CCDC33: variants seen among roughly 807,000 people sequenced by gnomAD.
CCDC33 encodes the protein coiled-coil domain containing 33.
In CCDC33, 94 loss-of-function variants were observed where a neutral mutation model predicts 91.9. The ratio of observed to expected loss-of-function variants is 1.02; its 90% CI spans 0.87 to 1.21. The LOEUF (loss-of-function observed/expected upper bound fraction) is 1.21. CCDC33 is among the 50% of genes most tolerant of loss of function. The pLI is 0.00. For missense variants in CCDC33, 940 were observed against 935.5 expected, an observed-to-expected ratio of 1.00 and a Z score of -0.06; for synonymous variants, 396 against 374.5, an observed-to-expected ratio of 1.06 and a Z score of -0.66.
At chr15:74,267,587 A>G (rs2930309) in intron 4 of CCDC33, among the ~76,000 whole-genome samples, 150,353 of 152,158 alleles carry the variant, frequency 0.99, 74,328 homozygotes, top group East Asian at 1. Context: ...CCAGAGATGA[A>G]CAGAAGCATC....
intron 11 of CCDC33, among the ~76,000 whole-genome samples, chr15:74,325,337 C>A (rs2060288363): frequency 6.6e-6 from 1 of 152,078 alleles, no homozygotes; most frequent in Admixed American, 6.6e-5. Context: ...ACTCTCTCTC[C>A]TCCCTGCCTT....
At position 74,218,413 on chromosome 15, in the gene CCDC33, C is replaced by T; in HGVS notation, c.311-84C>T. 8.3e-7 allele frequency: 1 copy of T among 1,205,680 alleles called. No individual in the cohort carries two copies. Among genetic ancestry groups the T allele is most frequent in the Non-Finnish European group, 1.1e-6 (1 of 944,558 alleles). 74.7% of individuals were successfully genotyped at this position (1,205,680 alleles called of 1,614,324 possible). On this transcript the variant is annotated intron_variant, in intron 1 of 2. Transcript: ENST00000635913. This position sits in a 1 kb window ranked among gnomAD's most constrained non-coding sequence, Gnocchi z 4.8. ...CAAAGTCTGGGCAGCCCAGGTTTCC[C>T]CAGGGCCCTGCCTGTCCTCCTAGTC...
chr15:74,291,009 T>C (rs2059574173), intron 10 of CCDC33, among the ~76,000 whole-genome samples: 1 of 152,230 alleles, frequency 6.6e-6, no homozygotes, highest in South Asian at 2.1e-4. Flanking sequence ...AAAATTCTTA[T>C]CAGTGGCACC....
chr15:74,296,845 A>C (rs1461592217), intron 11 of CCDC33, among the ~76,000 whole-genome samples: 1 of 152,176 alleles, frequency 6.6e-6, no homozygotes, highest in East Asian at 1.9e-4. Context: ...CCAAAGAGAC[A>C]GTCCAGGGAG....
chr15:74,204,528 C>T (rs1424942641), intron 1 of CCDC33, among the ~76,000 whole-genome samples: 1 of 152,222 alleles, frequency 6.6e-6, no homozygotes, highest in Non-Finnish European at 1.5e-5. Flanking sequence ...GCAGCCAACT[C>T]CCATCTGATT....
rs567592659 is a variant in CCDC33, at chr15:74,304,946, CTTCT to C, written c.1290+9001_1290+9004del. 2.8e-4 allele frequency among the ~76,000 whole-genome samples: 33 copies of C among 117,344 alleles called. No individual in the cohort carries two copies. The East Asian group carries it at 5.3e-3, about 19-fold the overall frequency. The allele number at this position is 117,344 out of a possible 152,430, so 77.0% of individuals were successfully genotyped here. Reference sequence around the variant, plus strand: ...CCTGAACCTGCTTCTGCTTCTTCTTCTTCTTTTTTTTTTTTTAGACAGAGTCTTG... The same window carrying C: ...CCTGAACCTGCTTCTGCTTCTTCTTCTTTTTTTTTTTTAGACAGAGTCTTG... On this transcript the variant is annotated intron_variant, in intron 11 of 18. Coordinates refer to ENST00000398814, the MANE Select transcript of CCDC33 (RefSeq NM_025055.5).
At chr15:74,328,404 A>T (rs1284357371) in intron 11 of CCDC33, among the ~76,000 whole-genome samples, 3 of 152,224 alleles carry the variant, frequency 2.0e-5, no homozygotes, top group Non-Finnish European at 4.4e-5. Flanking sequence ...TCTCCGTGTG[A>T]GGACTCTGAG....
At chr15:74,280,573 G>A in intron 8 of CCDC33, 95 bp from the exon 9 acceptor site, 1 of 1,376,974 alleles carries the variant, frequency 7.3e-7, no homozygotes, top group African/African-American at 1.5e-5. Context: ...CAGGAAAGCA[G>A]GCAGCGGGAG....
At position 74,221,216 on chromosome 15, in the gene CCDC33, GTTTTTTTTTTTTTT is replaced by G. The variant is rs56039521; in HGVS notation, c.675+2369_675+2382del. 1.0e-5 allele frequency: 7 copies of G among 676,438 alleles called. 1 individual carries two copies. The highest frequency in any genetic ancestry group is 2.5e-4 in the East Asian group (1 of 4,074). 41.9% of individuals were successfully genotyped at this position (676,438 alleles called of 1,614,324 possible). On this transcript the variant is annotated intron_variant, in intron 2 of 2. Transcript: ENST00000635913. ...CCAGTTTGTGTAGTGTGTGGCACTG[GTTTTTTTTTTTTTT>G]TTTTTTTTTTTTTCACCAGAACTGA...
chr15:74,257,691 T>C (rs2627304), intron 2 of CCDC33, among the ~76,000 whole-genome samples: 150,883 of 152,370 alleles, frequency 0.99, 74,733 homozygotes, highest in East Asian at 1. Context: ...TTCTCTCCTC[T>C]AAGTGGAAAG....
intron 11 of CCDC33, among the ~76,000 whole-genome samples, chr15:74,322,159 C>G (rs1264112385): frequency 6.6e-6 from 1 of 152,166 alleles, no homozygotes; most frequent in East Asian, 1.9e-4. Context: ...TTCCAGTTAC[C>G]TATTGCAATA....
At chr15:74,225,715 T>A (rs34985083) in intron 2 of CCDC33, among the ~76,000 whole-genome samples, 21,854 of 152,134 alleles carry the variant, frequency 0.14, 2,208 homozygotes, top group Non-Finnish European at 0.22. Context: ...ACATGGCATA[T>A]GTGATATATG....
At chr15:74,278,147 A>G (rs1016049322) in intron 7 of CCDC33, among the ~76,000 whole-genome samples, 8 of 152,224 alleles carry the variant, frequency 5.3e-5, no homozygotes, top group Non-Finnish European at 1.2e-4. Flanking sequence ...TCAGGTGTCC[A>G]GGGCACCCTA....
chr15:74,207,190 C>T (rs932290436), intron 1 of CCDC33, among the ~76,000 whole-genome samples: 3 of 152,166 alleles, frequency 2.0e-5, no homozygotes, highest in African/African-American at 7.2e-5. Context: ...ATCAAATCCT[C>T]AAAGGGCAAA....
At chr15:74,252,441 C>G (rs2075737786) in intron 2 of CCDC33, among the ~76,000 whole-genome samples, 1 of 152,160 alleles carries the variant, frequency 6.6e-6, no homozygotes, top group African/African-American at 2.4e-5. Context: ...TGGGATAGTC[C>G]CAGGAATAAG....
At chr15:74,211,036 A>G in intron 2 of CCDC33, among the ~76,000 whole-genome samples, 1 of 152,026 alleles carries the variant, frequency 6.6e-6, no homozygotes, top group Non-Finnish European at 1.5e-5. Flanking sequence ...TGTACCCCAG[A>G]CTCCAACACA....
chr15:74,233,246 G>A (rs193153779), upstream of CCDC33, among the ~76,000 whole-genome samples: 29 of 152,322 alleles, frequency 1.9e-4, no homozygotes, highest in African/African-American at 4.8e-4. Flanking sequence ...AGGCAGGGGC[G>A]TGGGACCAGG....
intron 2 of CCDC33, among the ~76,000 whole-genome samples, chr15:74,221,058 C>T (rs1487666228): frequency 1.3e-5 from 2 of 152,140 alleles, no homozygotes; most frequent in African/African-American, 4.8e-5. Flanking sequence ...GGCTCAAAGT[C>T]ACCTCTTCCA....
chr15:74,296,766 A>T (rs2059696133), intron 11 of CCDC33, among the ~76,000 whole-genome samples: 1 of 152,188 alleles, frequency 6.6e-6, no homozygotes, highest in African/African-American at 2.4e-5. Flanking sequence ...GGCCAAAGTG[A>T]CATCCTAATT....
Sources: allele counts gnomAD v4.1 joint callset (sites outside exome capture counted in the v4.1 genomes callset), GRCh38; gene constraint gnomAD v4.1.1; non-coding constraint Gnocchi (gnomAD v3.1); transcripts MANE v1.5; gene names NCBI Gene and HGNC (gene_info 2026-07-23, HGNC 2026-07-21).